Variants in MSRA observed in about 807,000 individuals in gnomAD.
The protein encoded by MSRA is mitochondrial peptide methionine sulfoxide reductase.
A neutral mutation model predicts 31.3 loss-of-function variants in MSRA; 54 were observed. The observed-to-expected ratio is 1.73, with a 90% CI of 1.39 to 2.17. The LOEUF is 2.17. MSRA is among the 30% of genes most tolerant of loss of function. The pLI is 0.00. For synonymous variants in MSRA, 169 were observed against 116.5 expected, an observed-to-expected ratio of 1.45 and a Z score of -2.90; for missense variants, 507 against 300.9, an observed-to-expected ratio of 1.69 and a Z score of -5.07.
intron 3 of MSRA, among the ~76,000 whole-genome samples, chr8:10,248,844 C>T (rs561575922): frequency 2.0e-5 from 3 of 152,222 alleles, no homozygotes; most frequent in East Asian, 3.9e-4. Context: ...TACAAGGGGG[C>T]GGTCTCTTAG....
At chr8:10,157,895 T>A (rs575366008) in intron 1 of MSRA, among the ~76,000 whole-genome samples, 1 of 152,308 alleles carries the variant, frequency 6.6e-6, no homozygotes, top group African/African-American at 2.4e-5. Flanking sequence ...ACAATTCATC[T>A]ATTTAATGTG....
intron 1 of MSRA, among the ~76,000 whole-genome samples, chr8:10,066,320 C>T (rs1024849682): frequency 2.0e-5 from 3 of 152,196 alleles, no homozygotes; most frequent in Non-Finnish European, 4.4e-5. Context: ...TTGATCTGTA[C>T]ATTTTGAATC....
At chr8:10,211,185 CAGAT>C (rs957972063) in intron 2 of MSRA, among the ~76,000 whole-genome samples, 11 of 152,222 alleles carry the variant, frequency 7.2e-5, no homozygotes, top group African/African-American at 2.4e-4. Flanking sequence ...TCAGGAAAGA[CAGAT>C]AGAGTGTGGG....
chr8:10,100,355 C>T (rs1799450613), intron 1 of MSRA, among the ~76,000 whole-genome samples: 1 of 152,152 alleles, frequency 6.6e-6, no homozygotes, highest in African/African-American at 2.4e-5. Context: ...CTCAGCTTTG[C>T]TGCCCAAGCC....
chr8:10,361,702 G>C (rs1310091507), intron 5 of MSRA, among the ~76,000 whole-genome samples: 1 of 152,090 alleles, frequency 6.6e-6, no homozygotes, highest in Admixed American at 6.5e-5. Context: ...AACACAGAAA[G>C]CACTTCTAAT....
chr8:10,319,288 G>T (rs1042486024), intron 4 of MSRA, among the ~76,000 whole-genome samples: 4 of 152,134 alleles, frequency 2.6e-5, no homozygotes, highest in African/African-American at 9.7e-5. Context: ...TCACTCTGGG[G>T]CACTGTCACA....
chr8:10,150,648 CAG>C (rs1321075990), intron 1 of MSRA, among the ~76,000 whole-genome samples: 11 of 152,210 alleles, frequency 7.2e-5, no homozygotes, highest in Admixed American at 5.9e-4. Context: ...GTTTGATTGA[CAG>C]ATATCTGTGG....
intron 1 of MSRA, among the ~76,000 whole-genome samples, chr8:10,149,285 C>G (rs1016120590): frequency 3.3e-5 from 5 of 152,160 alleles, no homozygotes; most frequent in African/African-American, 1.2e-4. Context: ...CCATGCCCAG[C>G]TAAGTTTTTG....
At chr8:10,348,229 G>C (rs901569805) in intron 5 of MSRA, among the ~76,000 whole-genome samples, 15 of 151,856 alleles carry the variant, frequency 9.9e-5, no homozygotes, top group African/African-American at 3.6e-4. Flanking sequence ...TCCTTTTGTA[G>C]TTCTAGTAAA....
At chr8:10,397,086 G>T (rs1262269099) in intron 5 of MSRA, among the ~76,000 whole-genome samples, 1 of 152,202 alleles carries the variant, frequency 6.6e-6, no homozygotes, top group Non-Finnish European at 1.5e-5. Context: ...AGTGAAATTT[G>T]TGCCTTTGTT....
intron 2 of MSRA, among the ~76,000 whole-genome samples, chr8:10,217,290 G>A (rs562622335): frequency 1.3e-5 from 2 of 152,172 alleles, no homozygotes; most frequent in African/African-American, 2.4e-5. Context: ...TGAGCGGCGC[G>A]CAAGTCTCGT....
At chr8:10,177,677 A>G (rs991381949) in intron 1 of MSRA, among the ~76,000 whole-genome samples, 19 of 152,210 alleles carry the variant, frequency 1.2e-4, no homozygotes, top group Admixed American at 1.2e-3. Context: ...TTTGATCACA[A>G]AGTTCTCAGC....
At position 10,339,933 on chromosome 8, in the gene MSRA, C is replaced by T. The variant is rs146087342; in HGVS notation, c.543+19944C>T. On this transcript the variant is annotated intron_variant, in intron 5 of 5. Coordinates refer to ENST00000317173, the MANE Select transcript of MSRA (RefSeq NM_012331.5). ...CCTTCTAGGCTGTTCTCAGGCCCTACCCCACCCAGGCCTCTGCTCTCCCTC... is the reference window on the plus strand; with the variant it reads ...CCTTCTAGGCTGTTCTCAGGCCCTATCCCACCCAGGCCTCTGCTCTCCCTC... Among the ~76,000 whole-genome samples, 1,017 of 152,242 alleles carry T rather than the reference C, an allele frequency of 6.7e-3. 2 individuals carry two copies. The highest frequency in any genetic ancestry group is 0.01 in the Non-Finnish European group (704 of 68,012).
At chr8:10,424,252 C>G (rs1034630318) in intron 5 of MSRA, among the ~76,000 whole-genome samples, 5 of 151,990 alleles carry the variant, frequency 3.3e-5, no homozygotes, top group Non-Finnish European at 7.3e-5. Context: ...ATGAACAACA[C>G]CAAAGAAAAT....
chr8:10,360,784 G>C (rs1445484108), intron 5 of MSRA, among the ~76,000 whole-genome samples: 2 of 152,180 alleles, frequency 1.3e-5, no homozygotes, highest in Admixed American at 1.3e-4. Context: ...TCTGGGAGGA[G>C]TCCACCCTCT....
intron 1 of MSRA, among the ~76,000 whole-genome samples, chr8:10,129,962 A>G (rs1439965105): frequency 1.3e-5 from 2 of 152,198 alleles, no homozygotes; most frequent in African/African-American, 4.8e-5. Flanking sequence ...CAACTTGGAT[A>G]TTAAAGTGTG....
intron 5 of MSRA, among the ~76,000 whole-genome samples, chr8:10,320,911 C>G (rs1030885542): frequency 1.3e-5 from 2 of 152,190 alleles, no homozygotes; most frequent in Non-Finnish European, 2.9e-5. Context: ...TTAGTGCTAA[C>G]CCTCATGACC....
intron 3 of MSRA, among the ~76,000 whole-genome samples, chr8:10,257,170 T>A (rs1054353154): frequency 4.7e-4 from 71 of 151,976 alleles, no homozygotes; most frequent in Admixed American, 1.6e-3. Context: ...CCATCAGGGG[T>A]GGCCAGGAAT....
chr8:10,351,273 T>TA (rs1402626948), intron 5 of MSRA, among the ~76,000 whole-genome samples: 3,233 of 143,202 alleles, frequency 0.023, 123 homozygotes, highest in Non-Finnish European at 0.036. Context: ...TTTTTTTTTT[T>TA]AGACGGAGTC....
Sources: gnomAD v4.1 joint callset for allele counts (sites outside exome capture counted in the v4.1 genomes callset) on GRCh38, gnomAD v4.1.1 for gene constraint, MANE v1.5 for transcripts, NCBI Gene and HGNC (gene_info 2026-07-23, HGNC 2026-07-21) for gene names.